The following PRKCE variants were observed in gnomAD, a reference collection of about 807,000 sequenced individuals.
PRKCE encodes protein kinase C epsilon, also known as protein kinase C epsilon type.
A neutral mutation model predicts 85.4 loss-of-function variants in PRKCE; 16 were observed. The observed-to-expected ratio is 0.19, with a 90% CI of 0.13 to 0.28. The LOEUF (loss-of-function observed/expected upper bound fraction) is 0.28, where lower values mean the gene tolerates loss of function less well. Among genes scored for constraint, PRKCE ranks in the 10% least tolerant of loss-of-function variants. PRKCE has a pLI of 1.00. For synonymous variants in PRKCE, 388 were observed against 371.5 expected (o/e 1.04, Z -0.51); for missense variants, 573 against 975.2 (o/e 0.59, Z 5.49).
chr2:45,844,689 A>G lies in PRKCE; in HGVS notation c.412+1626A>G, dbSNP rs554726995. Among the ~76,000 whole-genome samples, 26 of 152,360 alleles carry G rather than the reference A, an allele frequency of 1.7e-4. No homozygotes were observed. The South Asian group carries it at 5.0e-3, about 29-fold the overall frequency. On this transcript the variant is annotated intron_variant, in intron 2 of 14. Transcript: ENST00000306156. The stretch of plus-strand genomic sequence containing the variant: ...CCTTACATAATCTGTGTGCAATATG[A>G]TAATTAATTAAATATGTATTTCCTG...
chr2:45,987,540 A>G (rs1052046259), intron 6 of PRKCE, among the ~76,000 whole-genome samples: 37 of 152,118 alleles, frequency 2.4e-4, no homozygotes, highest in African/African-American at 8.7e-4. Context: ...TCACAGCAAA[A>G]TTGAGCAGAA....
intron 2 of PRKCE, among the ~76,000 whole-genome samples, chr2:45,972,498 T>C (rs902323591): frequency 6.6e-6 from 1 of 152,246 alleles, no homozygotes; most frequent in Admixed American, 6.5e-5. Context: ...ATTTTTGCTT[T>C]TGTTGCCTTT....
chr2:46,075,175 G>A (rs1041261991), intron 10 of PRKCE, among the ~76,000 whole-genome samples: 1 of 151,974 alleles, frequency 6.6e-6, no homozygotes, highest in African/African-American at 2.4e-5. Context: ...CGAGTAGCTG[G>A]GACTGTAGGC....
At chr2:45,781,635 CCG>C (rs1261598682) in intron 1 of PRKCE, among the ~76,000 whole-genome samples, 1 of 152,126 alleles carries the variant, frequency 6.6e-6, no homozygotes, top group African/African-American at 2.4e-5. Flanking sequence ...GGGCCTCCAC[CCG>C]CGCCCGCCCC....
chr2:45,706,611 A>G (rs1186993637), intron 1 of PRKCE, among the ~76,000 whole-genome samples: 3 of 152,100 alleles, frequency 2.0e-5, no homozygotes, highest in Non-Finnish European at 4.4e-5. Context: ...ACATGTCTCA[A>G]TCTCTGGCAT....
At chr2:45,929,998 A>G (rs550179273) in intron 2 of PRKCE, among the ~76,000 whole-genome samples, 6 of 152,254 alleles carry the variant, frequency 3.9e-5, no homozygotes, top group Non-Finnish European at 5.9e-5. Context: ...GAATCATTCA[A>G]TGAATCAATG....
At chr2:45,746,158 C>G (rs1384468162) in intron 1 of PRKCE, among the ~76,000 whole-genome samples, 1 of 151,864 alleles carries the variant, frequency 6.6e-6, no homozygotes, top group Non-Finnish European at 1.5e-5. Flanking sequence ...TTTCAGTTTT[C>G]ATTTGTATTT....
chr2:45,785,326 A>G, intron 1 of PRKCE, among the ~76,000 whole-genome samples: 1 of 152,092 alleles, frequency 6.6e-6, no homozygotes, highest in East Asian at 1.9e-4. Flanking sequence ...CCCTGTCTCT[A>G]CTAAAATTAC....
At chr2:45,926,629 C>A (rs1698640850) in intron 2 of PRKCE, among the ~76,000 whole-genome samples, 1 of 152,196 alleles carries the variant, frequency 6.6e-6, no homozygotes, top group Non-Finnish European at 1.5e-5. Flanking sequence ...GATTTGTAAG[C>A]CAGTGCTTTC....
intron 2 of PRKCE, among the ~76,000 whole-genome samples, chr2:45,967,622 G>C (rs946030383): frequency 6.6e-6 from 1 of 152,186 alleles, no homozygotes; most frequent in Admixed American, 6.5e-5. Flanking sequence ...TTGTAATGTA[G>C]TAGTTTAGAA....
At position 46,186,808 on chromosome 2, in the gene PRKCE, A is replaced by G. The variant is rs1680481743; in HGVS notation, c.*1927A>G. ...TGTCCATATTTGCATCTGGCTGGTC[A>G]TAGCCTTTGTTACTAATGATGACAT... On this transcript the variant is annotated 3_prime_UTR_variant, in exon 15 of 15. Coordinates refer to ENST00000306156, the MANE Select transcript of PRKCE (RefSeq NM_005400.3). The G allele has an allele frequency of 6.6e-6, 1 of 152,638 alleles. No homozygotes were observed. The allele number at this position is 152,638 out of a possible 1,614,324, so 9.5% of individuals were successfully genotyped here. A position where few individuals can be genotyped will look rare whatever the true frequency, so the allele number is the denominator to read the frequency against.
rs59991455 is a variant in PRKCE at position 45,933,464 on chromosome 2, C to CTTTTTTTTT, written c.413-42946_413-42938dup. The stretch of plus-strand genomic sequence containing the variant: ...TTTTACCTTTCACCTCATATGCCTG[C>CTTTTTTTTT]TTTTTTTTTTTTTTTTTTTTTTTTT... On this transcript the variant is annotated intron_variant, in intron 2 of 14. Coordinates refer to ENST00000306156, the MANE Select transcript of PRKCE (RefSeq NM_005400.3). Among the ~76,000 whole-genome samples the CTTTTTTTTT allele has an allele frequency of 3.2e-4, 21 of 65,362 alleles. 6 individuals carry two copies. The highest frequency in any genetic ancestry group is 1.1e-3 in the African/African-American group (18 of 16,236). 42.9% of individuals were successfully genotyped at this position (65,362 alleles called of 152,430 possible).
intron 1 of PRKCE, among the ~76,000 whole-genome samples, chr2:45,838,272 C>T (rs948011496): frequency 6.6e-6 from 1 of 152,156 alleles, no homozygotes; most frequent in Non-Finnish European, 1.5e-5. Context: ...GCTCAGTTGG[C>T]CAGGCAGGGC....
At position 46,014,159 on chromosome 2, in the gene PRKCE, A is replaced by T. The variant is rs186613272; in HGVS notation, c.1437+3642A>T. Among the ~76,000 whole-genome samples the T allele has an allele frequency of 3.6e-3, 543 of 152,352 alleles. 2 individuals are homozygous for T. The highest frequency in any genetic ancestry group is 6.8e-3 in the Middle Eastern group (2 of 294). On this transcript the variant is annotated intron_variant, in intron 10 of 14. Transcript: ENST00000306156. ...TTCCAGGGCTAGTGAGAAAAAGCAG[A>T]CAGAACAACAAATTAAGCCAGTGGT...
chr2:45,734,910 C>T (rs1453335550), intron 1 of PRKCE, among the ~76,000 whole-genome samples: 1 of 152,266 alleles, frequency 6.6e-6, no homozygotes, highest in East Asian at 1.9e-4. Context: ...CCAAGTCCAT[C>T]CTCGCTGTAG....
chr2:45,780,471 A>T (rs1402485236), intron 1 of PRKCE, among the ~76,000 whole-genome samples: 2 of 152,166 alleles, frequency 1.3e-5, no homozygotes, highest in Non-Finnish European at 2.9e-5. Flanking sequence ...ATTAGATTTG[A>T]TTTCTTGGCA....
intron 1 of PRKCE, among the ~76,000 whole-genome samples, chr2:45,804,279 A>G (rs1449881060): frequency 6.6e-6 from 1 of 152,228 alleles, no homozygotes; most frequent in African/African-American, 2.4e-5. Flanking sequence ...TGGGAAAGAA[A>G]ATGGAATGGG....
At chr2:45,987,915 G>A (rs1703467902) in intron 6 of PRKCE, among the ~76,000 whole-genome samples, 2 of 152,252 alleles carry the variant, frequency 1.3e-5, no homozygotes, top group Non-Finnish European at 2.9e-5. Flanking sequence ...GCCCAAGGCA[G>A]GGGCTGCTTG....
chr2:45,852,201 C>T (rs1692324064), intron 2 of PRKCE, among the ~76,000 whole-genome samples: 1 of 152,230 alleles, frequency 6.6e-6, no homozygotes, highest in African/African-American at 2.4e-5. Context: ...TACCTACTTT[C>T]CAAACATTCA....
Sources: gnomAD v4.1 joint callset for allele counts (sites outside exome capture counted in the v4.1 genomes callset) on GRCh38, gnomAD v4.1.1 for gene constraint, MANE v1.5 for transcripts, NCBI Gene and HGNC (gene_info 2026-07-23, HGNC 2026-07-21) for gene names.